Variants in NID1 observed in about 807,000 individuals in gnomAD.
The protein encoded by NID1 is nidogen 1, also known as nidogen-1.
NID1 carries 76 observed loss-of-function variants against 130.6 expected under a neutral mutation model. The ratio of observed to expected loss-of-function variants is 0.58; its 90% CI spans 0.48 to 0.70. NID1 has a LOEUF of 0.70. Among genes scored for constraint, NID1 ranks in the 30% least tolerant of loss-of-function variants. NID1 has a pLI of 0.00. For synonymous variants in NID1, 665 were observed against 675.1 expected (o/e 0.98, Z 0.23); for missense variants, 1,517 against 1,664.8 (o/e 0.91, Z 1.54).
At chr1:236,019,445 C>T (rs1025751469) in intron 9 of NID1, among the ~76,000 whole-genome samples, 4 of 152,206 alleles carry the variant, frequency 2.6e-5, no homozygotes, top group African/African-American at 9.6e-5. Context: ...AGGGGATCTT[C>T]TTCAAGCTCT....
intron 5 of NID1, among the ~76,000 whole-genome samples, chr1:236,037,577 G>C (rs1417587899): frequency 6.6e-6 from 1 of 151,858 alleles, no homozygotes; most frequent in Non-Finnish European, 1.5e-5. Context: ...AGAATCACTT[G>C]AACCTGGGAG....
At chr1:235,993,597 C>T (rs973382624) in intron 13 of NID1, 48 bp downstream of exon 13, 1 of 1,453,138 alleles carries the variant, frequency 6.9e-7, no homozygotes, top group Non-Finnish European at 9.2e-7. Flanking sequence ...TCCGGTCCCC[C>T]GAGGTCCTTC....
chr1:236,049,054 A>C, intron 1 of NID1, 65 bp from the exon 2 acceptor site: 1 of 1,503,918 alleles, frequency 6.6e-7, no homozygotes. Flanking sequence ...AAGACTGAGC[A>C]CCCACTCCTA....
chr1:236,046,292 G>T (rs1384045788), intron 2 of NID1, among the ~76,000 whole-genome samples: 1 of 152,158 alleles, frequency 6.6e-6, no homozygotes, highest in African/African-American at 2.4e-5. Flanking sequence ...TGAAAGAGCA[G>T]GCACATGCCG....
intron 11 of NID1, among the ~76,000 whole-genome samples, chr1:236,012,641 T>C (rs1232293590): frequency 6.6e-6 from 1 of 152,108 alleles, no homozygotes; most frequent in Non-Finnish European, 1.5e-5. Context: ...TCTATTTGTA[T>C]TATAAAATTC....
intron 12 of NID1, among the ~76,000 whole-genome samples, chr1:236,001,708 G>A (rs1037984936): frequency 6.6e-6 from 1 of 152,200 alleles, no homozygotes; most frequent in East Asian, 1.9e-4. Flanking sequence ...AATGGCCAGG[G>A]AGGGGCACTG....
At chr1:235,991,265 GTCAA>G (rs1657730129) in intron 13 of NID1, among the ~76,000 whole-genome samples, 2 of 152,302 alleles carry the variant, frequency 1.3e-5, no homozygotes, top group Admixed American at 1.3e-4. Flanking sequence ...AAAGCCCTCA[GTCAA>G]TCAAAGAGCA....
At chr1:236,004,181 ACT>A (rs1183814563) in intron 12 of NID1, among the ~76,000 whole-genome samples, 1 of 151,900 alleles carries the variant, frequency 6.6e-6, no homozygotes, top group African/African-American at 2.4e-5. Context: ...AGAATGAGAG[ACT>A]CTGGAAGAAT....
In NID1 at chr1:236,042,326, C is replaced by A. The variant is rs770057011; in HGVS notation, c.753-34G>T. 7 of 1,577,962 alleles carry A rather than the reference C, an allele frequency of 4.4e-6. No homozygotes were observed. In the South Asian group the frequency reaches 6.9e-5, roughly 15 times the overall value. ...AAGGACAGGCTTCTTAGAAACAGGC[C>A]AGCAACCCACCAACAGCCACCACTA... On this transcript the variant is annotated intron_variant, in intron 3 of 19. Coordinates refer to ENST00000264187, the MANE Select transcript of NID1 (RefSeq NM_002508.3).
intron 13 of NID1, among the ~76,000 whole-genome samples, chr1:235,992,444 G>A (rs778800582): frequency 4.6e-5 from 7 of 152,138 alleles, no homozygotes; most frequent in Non-Finnish European, 7.3e-5. Flanking sequence ...TCACATGGGC[G>A]CCTGCTCCAA....
At position 236,048,876 on chromosome 1, in the gene NID1, C is replaced by T. The variant is rs761792891; in HGVS notation, c.339G>A (p.Thr113=). The T allele has an allele frequency of 8.1e-6, 13 of 1,613,936 alleles. No homozygotes were observed. The highest frequency in any genetic ancestry group is 2.2e-5 in the South Asian group (2 of 91,042). ...AVAPFLADLD[T]TDGLGKVYYR... ...AATAAACCTTCCCCAGGCCATCGGTCGTGTCCAAGTCCGCCAGGAAAGGGG... is the reference window on the plus strand; with the variant it reads ...AATAAACCTTCCCCAGGCCATCGGTTGTGTCCAAGTCCGCCAGGAAAGGGG... The change falls in exon 2 of 20, where the codon ACG becomes ACA. Residue 113 remains threonine (T), a synonymous_variant. Transcript: ENST00000264187.
intron 4 of NID1, among the ~76,000 whole-genome samples, 160 bp downstream of exon 4, chr1:236,041,750 C>T (rs1343187823): frequency 4.6e-5 from 7 of 152,184 alleles, no homozygotes; most frequent in Non-Finnish European, 1.0e-4. Context: ...GCATATAACA[C>T]CAAGGCTCCA....
intron 1 of NID1, among the ~76,000 whole-genome samples, chr1:236,061,765 A>G (rs530474074): frequency 2.0e-4 from 30 of 152,238 alleles, no homozygotes; most frequent in African/African-American, 7.2e-4. Flanking sequence ...TAATGACCAA[A>G]GGATTTGAAC....
Position 235,985,444 on chromosome 1 carries a change from A to T in NID1, c.2990T>A (p.Ile997Asn), listed in dbSNP as rs1223532507. The change falls in exon 15 of 20, where the codon ATC (isoleucine) becomes AAC (asparagine). Residue 997 changes from isoleucine (I) to asparagine (N), a missense_variant. Physicochemically the swap from Ile to Asn is moderately radical, Grantham distance 149. Around this residue, in one of 3 missense-constraint regions of NID1, gnomAD observed 1,329 missense variants for 1,429.2 expected, o/e 0.93. Transcript: ENST00000264187. ...AGCTCTCCCAATGGAAGGCTCAGTGATGTCCGTCCAGTAAACCATCTTGTC... is the reference window on the plus strand; with the variant it reads ...AGCTCTCCCAATGGAAGGCTCAGTGTTGTCCGTCCAGTAAACCATCTTGTC... Reference protein sequence around the residue: ...CVDKMVYWTDITEPSIGRASL... With the variant: ...CVDKMVYWTDNTEPSIGRASL... 3 of 1,614,058 alleles carry T rather than the reference A, an allele frequency of 1.9e-6. No homozygotes were observed. Among genetic ancestry groups the T allele is most frequent in the Non-Finnish European group, 8.5e-7 (1 of 1,179,916 alleles).
At chr1:236,064,548 C>T (rs1044128132) in intron 1 of NID1, 1 of 337,286 alleles carries the variant, frequency 3.0e-6, no homozygotes, top group South Asian at 3.3e-5. Context: ...GCGGACTGAC[C>T]TCCCTGCGGC....
chr1:236,048,016 A>C (rs1659655766), intron 2 of NID1, among the ~76,000 whole-genome samples: 2 of 114,580 alleles, frequency 1.7e-5, no homozygotes, highest in South Asian at 3.3e-4. Flanking sequence ...ACAGAGCAAG[A>C]CTCCATCTCA....
Position 235,977,740 on chromosome 1 carries a change from G to C in NID1, c.*127C>G, listed in dbSNP as rs1264534792. ...GAACAGTGAGGGAAAAGTTGTTGGG[G>C]CTCAGGCTGGGCTGGGTCTGGGCCT... is the stretch of plus-strand genomic sequence containing the variant. On this transcript the variant is annotated 3_prime_UTR_variant, in exon 20 of 20. Coordinates refer to ENST00000264187, the MANE Select transcript of NID1 (RefSeq NM_002508.3). The C allele has an allele frequency of 2.7e-5, 29 of 1,068,536 alleles. No homozygotes were observed. The highest frequency in any genetic ancestry group is 9.6e-6 in the Non-Finnish European group (7 of 730,488). The allele number at this position is 1,068,536 out of a possible 1,614,324, so 66.2% of individuals were successfully genotyped here. A position where few individuals can be genotyped will look rare whatever the true frequency, so the allele number is the denominator to read the frequency against.
rs747489214 is a variant in NID1, at chr1:235,979,908, G to C, written c.3423C>G (p.Pro1141=). ...NRAECLNPSQ[P]SRRKALEGLQ... ...GCCCTTCGAGAGCCTTGCGTCTGCT[G>C]GGCTGACTGGGGTTCAGGCATTCCG... Residue 1141 remains proline (P), a synonymous_variant, in exon 18 of 20, where the codon CCC becomes CCG. Coordinates refer to ENST00000264187, the MANE Select transcript of NID1 (RefSeq NM_002508.3). The surrounding 1 kb of genome is among the most constrained non-coding windows in gnomAD (Gnocchi z 4.6). 2 of 1,614,018 alleles carry C rather than the reference G, an allele frequency of 1.2e-6. No homozygotes were observed.
rs752565337 is a variant in NID1, at chr1:235,979,100, C to T, written c.3517G>A (p.Val1173Met). The part of the protein sequence containing the change: ...LYFTDWKMNS[V>M]VALDLAISKE... Reference sequence around the variant, plus strand: ...GAAATTGCAAGATCGAGAGCAACCACGGAATTCCTACAAAGCACCAAAGGG... The same window carrying T: ...GAAATTGCAAGATCGAGAGCAACCATGGAATTCCTACAAAGCACCAAAGGG... The change falls in exon 19 of 20, where the codon GTG (valine) becomes ATG (methionine). Residue 1173 changes from valine (V) to methionine (M), a missense_variant. Transcript: ENST00000264187. The surrounding 1 kb of genome is among the most constrained non-coding windows in gnomAD (Gnocchi z 4.6). 9.9e-6 allele frequency: 16 copies of T among 1,611,350 alleles called. No individual in the cohort carries two copies. Among genetic ancestry groups the T allele is most frequent in the African/African-American group, 4.0e-5 (3 of 74,862 alleles).
Sources: allele counts gnomAD v4.1 joint callset (sites outside exome capture counted in the v4.1 genomes callset), GRCh38; gene constraint gnomAD v4.1.1; regional missense constraint gnomAD v4.1.1; non-coding constraint Gnocchi (gnomAD v3.1); transcripts MANE v1.5; gene names NCBI Gene and HGNC (gene_info 2026-07-23, HGNC 2026-07-21).